Variants in ADARB1 observed in about 807,000 individuals in gnomAD.
ADARB1 encodes double-stranded RNA-specific editase 1.
In ADARB1, 10 loss-of-function variants were observed where a neutral mutation model predicts 52.4. The ratio of observed to expected loss-of-function variants is 0.19; its 90% CI spans 0.12 to 0.32. The LOEUF (loss-of-function observed/expected upper bound fraction) is 0.32. Among genes scored for constraint, ADARB1 ranks in the 10% least tolerant of loss-of-function variants. The pLI, the probability that ADARB1 is intolerant of heterozygous loss-of-function variation, is 1.00. For missense variants in ADARB1, 643 were observed against 922.3 expected (o/e 0.70, Z 3.92); for synonymous variants, 349 against 371.1 (o/e 0.94, Z 0.68).
chr21:45,107,914 A>G (rs1157378353), intron 1 of ADARB1, among the ~76,000 whole-genome samples: 1 of 152,160 alleles, frequency 6.6e-6, no homozygotes, highest in Admixed American at 6.5e-5. Flanking sequence ...TACAAAAATA[A>G]TTTGGGTGTG....
At chr21:45,086,006 T>G (rs1352191346) in intron 1 of ADARB1, among the ~76,000 whole-genome samples, 1 of 152,236 alleles carries the variant, frequency 6.6e-6, no homozygotes, top group Non-Finnish European at 1.5e-5. Context: ...AAGCCCTTGC[T>G]GTAGGAAAAG....
intron 2 of ADARB1, among the ~76,000 whole-genome samples, chr21:45,169,839 G>A (rs755856529): frequency 3.3e-5 from 5 of 152,124 alleles, no homozygotes; most frequent in East Asian, 3.9e-4. Context: ...TCCCGTCTTC[G>A]TGATATGCTC....
At chr21:45,110,049 A>G (rs1455876872) in intron 1 of ADARB1, among the ~76,000 whole-genome samples, 1 of 152,092 alleles carries the variant, frequency 6.6e-6, no homozygotes, top group Non-Finnish European at 1.5e-5. Context: ...GACCACTTTT[A>G]TTTTTAACAT....
intron 7 of ADARB1, chr21:45,184,458 T>C: frequency 4.3e-6 from 1 of 234,118 alleles, no homozygotes; most frequent in Non-Finnish European, 8.8e-6. Flanking sequence ...ATTTTTTTTT[T>C]TTTTTTTTGA....
intron 9 of ADARB1, among the ~76,000 whole-genome samples, chr21:45,207,106 G>A (rs2092682934): frequency 1.3e-5 from 2 of 152,164 alleles, no homozygotes; most frequent in African/African-American, 4.8e-5. Flanking sequence ...CTGGACAAAT[G>A]TGCCACTGTC....
At position 45,221,047 on chromosome 21, in the gene ADARB1, T is replaced by A; in HGVS notation, c.1926+33T>A. ...GGCGCCCTCACCGCAATGCGCCGGC[T>A]CCACCTCCCCAATAGCTTGTCTGTC... On this transcript the variant is annotated intron_variant, in intron 10 of 10. Coordinates refer to ENST00000348831, the MANE Select transcript of ADARB1 (RefSeq NM_001112.4). The surrounding 1 kb of genome is among the most constrained non-coding windows in gnomAD (Gnocchi z 4.9). The A allele has an allele frequency of 6.4e-7, 1 of 1,574,588 alleles. No homozygotes were observed. The highest frequency in any genetic ancestry group is 8.6e-7 in the Non-Finnish European group (1 of 1,157,862).
rs2092957287 is a variant in ADARB1, at chr21:45,221,101, C to T, written c.1926+87C>T. ...ACACCTACTGTTCCTTAAGTTGTTT[C>T]ATCATGTCATCATGCACAGCTTCCG... On this transcript the variant is annotated intron_variant, in intron 10 of 10. Coordinates refer to ENST00000348831, the MANE Select transcript of ADARB1 (RefSeq NM_001112.4). This position sits in a 1 kb window ranked among gnomAD's most constrained non-coding sequence, Gnocchi z 4.9. 3.6e-6 allele frequency: 5 copies of T among 1,386,678 alleles called. No homozygotes were observed. Among genetic ancestry groups the T allele is most frequent in the Non-Finnish European group, 4.8e-6 (5 of 1,030,960 alleles). The allele number at this position is 1,386,678 out of a possible 1,614,324, so 85.9% of individuals were successfully genotyped here.
intron 1 of ADARB1, among the ~76,000 whole-genome samples, chr21:45,109,801 TTTAAGCAAAAATCATGTA>T (rs1471287441): frequency 6.6e-6 from 1 of 152,224 alleles, no homozygotes; most frequent in African/African-American, 2.4e-5. Context: ...TCACGCTGGT[TTTAAGCAAAAATCATGTA>T]TTTGCTCCTG....
chr21:45,148,919 C>T (rs561764111), intron 2 of ADARB1, among the ~76,000 whole-genome samples: 1 of 152,342 alleles, frequency 6.6e-6, no homozygotes, highest in South Asian at 2.1e-4. Context: ...CTGTGACTGT[C>T]TCCTTTTCCC....
At chr21:45,083,916 G>A (rs2086243395) in intron 1 of ADARB1, among the ~76,000 whole-genome samples, 1 of 152,162 alleles carries the variant, frequency 6.6e-6, no homozygotes. Flanking sequence ...GCCCAGGCTG[G>A]TCTCGAGCTC....
At chr21:45,155,141 C>T (rs2090488672) in intron 2 of ADARB1, among the ~76,000 whole-genome samples, 1 of 152,210 alleles carries the variant, frequency 6.6e-6, no homozygotes, top group African/African-American at 2.4e-5. Context: ...AGACCACTGT[C>T]CTCTGGCAGC....
chr21:45,145,989 G>A (rs2089984629), intron 2 of ADARB1: 1 of 152,232 alleles, frequency 6.6e-6, no homozygotes, highest in African/African-American at 2.4e-5. Context: ...CTCACTAGGA[G>A]CCTTTACCTA....
chr21:45,120,258 A>G (rs2088090167), intron 1 of ADARB1, among the ~76,000 whole-genome samples: 1 of 152,196 alleles, frequency 6.6e-6, no homozygotes, highest in Non-Finnish European at 1.5e-5. Flanking sequence ...CCGCACGGAC[A>G]AGTTTGCATG....
At chr21:45,112,754 T>C (rs1246457589) in intron 1 of ADARB1, among the ~76,000 whole-genome samples, 1 of 152,100 alleles carries the variant, frequency 6.6e-6, no homozygotes, top group Non-Finnish European at 1.5e-5. Flanking sequence ...AGGGACACTT[T>C]TGAGAGTGAA....
intron 2 of ADARB1, among the ~76,000 whole-genome samples, chr21:45,129,051 C>T (rs2088770173): frequency 2.0e-5 from 3 of 152,006 alleles, no homozygotes; most frequent in Non-Finnish European, 4.4e-5. Flanking sequence ...GCCAACGTGA[C>T]GAAACCCCAT....
chr21:45,086,309 C>G (rs889226015), intron 1 of ADARB1, among the ~76,000 whole-genome samples: 1 of 152,136 alleles, frequency 6.6e-6, no homozygotes, highest in Non-Finnish European at 1.5e-5. Context: ...AGAAAATAAA[C>G]CATAGGAAAG....
In ADARB1 at chr21:45,157,619, G is replaced by A. The variant is rs2090732943; in HGVS notation, c.-47-13991G>A. Among the ~76,000 whole-genome samples the A allele has an allele frequency of 6.6e-6, 1 of 152,214 alleles. No individual in the cohort carries two copies. The highest frequency in any genetic ancestry group is 2.1e-4 in the South Asian group (1 of 4,830). On this transcript the variant is annotated intron_variant, in intron 2 of 10. Coordinates refer to ENST00000348831, the MANE Select transcript of ADARB1 (RefSeq NM_001112.4). This position sits in a 1 kb window ranked among gnomAD's most constrained non-coding sequence, Gnocchi z 4.1. ...CTAAAGCTTGCCATTGCTTAGGCAT[G>A]CCTGACTGAGGCGGGAAACAAGCGT...
intron 8 of ADARB1, among the ~76,000 whole-genome samples, chr21:45,187,642 G>A (rs1021704419): frequency 6.6e-6 from 1 of 152,096 alleles, no homozygotes; most frequent in African/African-American, 2.4e-5. Context: ...ATTAACTGTG[G>A]TCTTTTCATA....
chr21:45,203,644 ATCATTGGTG>A (rs2092608272), intron 8 of ADARB1, among the ~76,000 whole-genome samples: 1 of 152,212 alleles, frequency 6.6e-6, no homozygotes, highest in South Asian at 2.1e-4. Flanking sequence ...ATTGGCATGC[ATCATTGGTG>A]TCATGCATGT....
Sources: allele counts gnomAD v4.1 joint callset (sites outside exome capture counted in the v4.1 genomes callset), GRCh38; gene constraint gnomAD v4.1.1; non-coding constraint Gnocchi (gnomAD v3.1); transcripts MANE v1.5; gene names NCBI Gene and HGNC (gene_info 2026-07-23, HGNC 2026-07-21).